Variants in XKR4 observed in about 807,000 individuals in gnomAD.
The protein encoded by XKR4 is XK-related protein 4.
Under a neutral mutation model 53.9 loss-of-function variants are expected in XKR4, and 12 were observed. The ratio of observed to expected loss-of-function variants is 0.22; its 90% CI spans 0.14 to 0.36. The LOEUF (loss-of-function observed/expected upper bound fraction) is 0.36. XKR4 is among the 10% of genes least tolerant of loss of function. The pLI, the probability that XKR4 is intolerant of heterozygous loss-of-function variation, is 1.00. For missense variants in XKR4, 799 were observed against 859.5 expected (o/e 0.93, Z 0.88); for synonymous variants, 354 against 362.4 (o/e 0.98, Z 0.26).
chr8:55,274,436 C>CT lies in XKR4; in HGVS notation c.807-83228dup, dbSNP rs1278974349. Among the ~76,000 whole-genome samples the CT allele has an allele frequency of 9.2e-3, 1,324 of 143,252 alleles. 12 individuals are homozygous for CT. Among genetic ancestry groups the CT allele is most frequent in the African/African-American group, 0.019 (749 of 39,248 alleles). The allele number at this position is 143,252 out of a possible 152,430, so 94.0% of individuals were successfully genotyped here. ...AATATATCTGTGGGTCCAAATTTCC[C>CT]TTTTTTTTTTTTTTGAGACTGAGTC... On this transcript the variant is annotated intron_variant, in intron 1 of 2. Coordinates refer to ENST00000327381, the MANE Select transcript of XKR4 (RefSeq NM_052898.2).
At chr8:55,258,762 C>T (rs73606915) in intron 1 of XKR4, among the ~76,000 whole-genome samples, 3,372 of 152,208 alleles carry the variant, frequency 0.022, 132 homozygotes, top group African/African-American at 0.076. Flanking sequence ...TCTGCACTCC[C>T]GTGGGGCATA....
intron 1 of XKR4, among the ~76,000 whole-genome samples, chr8:55,202,781 A>G (rs1171803948): frequency 6.6e-6 from 1 of 152,264 alleles, no homozygotes; most frequent in Admixed American, 6.5e-5. Flanking sequence ...TTTGAAAAAC[A>G]AAATGAGACC....
At position 55,102,695 on chromosome 8, in the gene XKR4, C is replaced by G. The variant is rs1404479173; in HGVS notation, c.207C>G (p.Ala69=). 2 of 1,170,134 alleles carry G rather than the reference C, an allele frequency of 1.7e-6. No homozygotes were observed. The highest frequency in any genetic ancestry group is 1.1e-6 in the Non-Finnish European group (1 of 943,680). The allele number at this position is 1,170,134 out of a possible 1,614,324, so 72.5% of individuals were successfully genotyped here. The change falls in exon 1 of 3, where the codon GCC becomes GCG. Residue 69 remains alanine (A), a synonymous_variant. Coordinates refer to ENST00000327381, the MANE Select transcript of XKR4 (RefSeq NM_052898.2). This position sits in a 1 kb window ranked among gnomAD's most constrained non-coding sequence, Gnocchi z 5.1. ...GGCSRCCCCC[A]GSGGSAGSGG... ...GCTCGCGCTGCTGCTGCTGCTGCGC[C>G]GGGAGTGGCGGCTCCGCGGGCTCGG... is the stretch of plus-strand genomic sequence containing the variant.
intron 2 of XKR4, chr8:55,449,652 T>G (rs1805399556): frequency 2.1e-6 from 2 of 943,044 alleles, no homozygotes; most frequent in African/African-American, 3.2e-5. Flanking sequence ...GCACCCATGG[T>G]GGCCATGCCA....
At chr8:55,181,367 A>G (rs1307976265) in intron 1 of XKR4, among the ~76,000 whole-genome samples, 1 of 152,034 alleles carries the variant, frequency 6.6e-6, no homozygotes, top group African/African-American at 2.4e-5. Context: ...AAACTTTTCT[A>G]CATCCTCCCC....
At chr8:55,299,634 GCAA>G (rs1469477509) in intron 1 of XKR4, among the ~76,000 whole-genome samples, 1 of 152,176 alleles carries the variant, frequency 6.6e-6, no homozygotes, top group Non-Finnish European at 1.5e-5. Context: ...GTGAAAAGAT[GCAA>G]CATATTGGGA....
chr8:55,475,509 C>G (rs1805967999), intron 2 of XKR4, among the ~76,000 whole-genome samples: 1 of 152,018 alleles, frequency 6.6e-6, no homozygotes, highest in South Asian at 2.1e-4. Flanking sequence ...CTCAATCTCC[C>G]AAGCTCAAGC....
chr8:55,206,446 T>C (rs1414277088), intron 1 of XKR4, among the ~76,000 whole-genome samples: 2 of 150,182 alleles, frequency 1.3e-5, no homozygotes, highest in African/African-American at 4.9e-5. Context: ...TCACCTCTCA[T>C]TAGGGCATAT....
intron 1 of XKR4, among the ~76,000 whole-genome samples, chr8:55,254,980 G>C (rs574791541): frequency 2.6e-5 from 4 of 152,300 alleles, no homozygotes; most frequent in African/African-American, 9.6e-5. Flanking sequence ...ATGCTTTCCG[G>C]ATGCTATGAA....
intron 1 of XKR4, among the ~76,000 whole-genome samples, chr8:55,344,686 A>G (rs943859796): frequency 6.6e-6 from 1 of 152,204 alleles, no homozygotes; most frequent in African/African-American, 2.4e-5. Context: ...AGTTGCTATG[A>G]GGCGATGCGA....
rs556394983 is a variant in XKR4 at position 55,111,870 on chromosome 8, A to C, written c.806+8576A>C. 3.3e-5 allele frequency among the ~76,000 whole-genome samples: 5 copies of C among 152,322 alleles called. No individual in the cohort carries two copies. The East Asian group carries it at 9.7e-4, about 29-fold the overall frequency. ...TTAAATTAAAAGCTTGTCCTGGGTC[A>C]CACTGTCACTGATTTAATATTCTGA... On this transcript the variant is annotated intron_variant, in intron 1 of 2. Transcript: ENST00000327381.
intron 1 of XKR4, among the ~76,000 whole-genome samples, chr8:55,201,742 TG>T (rs1238728714): frequency 6.6e-6 from 1 of 152,216 alleles, no homozygotes; most frequent in East Asian, 1.9e-4. Flanking sequence ...ATGGCCCAAT[TG>T]AAAGCCAATG....
chr8:55,385,861 A>G (rs1420689038), intron 2 of XKR4, among the ~76,000 whole-genome samples: 1 of 152,228 alleles, frequency 6.6e-6, no homozygotes, highest in Non-Finnish European at 1.5e-5. Flanking sequence ...AACACCAAAC[A>G]AAAAGAACTG....
At chr8:55,420,059 CA>C (rs1339804131) in intron 2 of XKR4, among the ~76,000 whole-genome samples, 2 of 152,130 alleles carry the variant, frequency 1.3e-5, no homozygotes, top group Non-Finnish European at 2.9e-5. Flanking sequence ...AGTACTATGA[CA>C]AACATAGAAA....
At chr8:55,321,617 G>C (rs1200079677) in intron 1 of XKR4, among the ~76,000 whole-genome samples, 1 of 152,096 alleles carries the variant, frequency 6.6e-6, no homozygotes, top group Non-Finnish European at 1.5e-5. Flanking sequence ...TACCTTAAAT[G>C]GTGGATATTT....
chr8:55,506,311 C>T (rs1217187604), intron 2 of XKR4, among the ~76,000 whole-genome samples: 1 of 152,158 alleles, frequency 6.6e-6, no homozygotes, highest in Non-Finnish European at 1.5e-5. Flanking sequence ...ATAGATAGGC[C>T]TGAAAGGCTC....
intron 2 of XKR4, among the ~76,000 whole-genome samples, chr8:55,402,979 A>T (rs1435728402): frequency 6.6e-6 from 1 of 152,150 alleles, no homozygotes; most frequent in Non-Finnish European, 1.5e-5. Context: ...AGAATCAGAA[A>T]GGGCCAGGAG....
At chr8:55,465,975 A>C (rs1805760664) in intron 2 of XKR4, among the ~76,000 whole-genome samples, 3 of 152,218 alleles carry the variant, frequency 2.0e-5, no homozygotes, top group South Asian at 4.1e-4. Context: ...ATCATTAAAA[A>C]GTCAGGAAAC....
rs180735168 is a variant in XKR4 at position 55,276,877 on chromosome 8, A to G, written c.807-80801A>G. Among the ~76,000 whole-genome samples, 296 of 152,356 alleles carry G rather than the reference A, an allele frequency of 1.9e-3. 2 individuals carry two copies. The highest frequency in any genetic ancestry group is 1.2e-3 in the Non-Finnish European group (83 of 68,038). Reference sequence around the variant, plus strand: ...ATGAAGTGGAAAGAGAAAGAACAAAATAAATCCAGTCAGACAAACGAAAAG... The same window carrying G: ...ATGAAGTGGAAAGAGAAAGAACAAAGTAAATCCAGTCAGACAAACGAAAAG... On this transcript the variant is annotated intron_variant, in intron 1 of 2. Coordinates refer to ENST00000327381, the MANE Select transcript of XKR4 (RefSeq NM_052898.2).
Sources: allele counts gnomAD v4.1 joint callset (sites outside exome capture counted in the v4.1 genomes callset), GRCh38; gene constraint gnomAD v4.1.1; non-coding constraint Gnocchi (gnomAD v3.1); transcripts MANE v1.5; gene names NCBI Gene and HGNC (gene_info 2026-07-23, HGNC 2026-07-21).